PCDH9: variants seen among roughly 807,000 people sequenced by gnomAD.
PCDH9 encodes the protein protocadherin-9.
A neutral mutation model predicts 70.6 loss-of-function variants in PCDH9; 24 were observed. The ratio of observed to expected loss-of-function variants is 0.34; its 90% confidence interval spans 0.25 to 0.48. PCDH9 has a LOEUF of 0.48. Among genes scored for constraint, PCDH9 ranks in the 20% least tolerant of loss-of-function variants. The pLI, the probability that PCDH9 is intolerant of heterozygous loss-of-function variation, is 0.99. For missense variants in PCDH9, 1,281 were observed against 1,503.6 expected, an observed-to-expected ratio of 0.85 and a Z score of 2.45; for synonymous variants, 562 against 558.5, an observed-to-expected ratio of 1.01 and a Z score of -0.09.
chr13:66,564,532 T>C (rs892499061), intron 4 of PCDH9, among the ~76,000 whole-genome samples: 2 of 152,094 alleles, frequency 1.3e-5, no homozygotes, highest in African/African-American at 4.8e-5. Context: ...GGAGGACAGC[T>C]GATAACAGAG....
At chr13:66,815,420 G>T (rs1230848571) in intron 3 of PCDH9, among the ~76,000 whole-genome samples, 1 of 152,022 alleles carries the variant, frequency 6.6e-6, no homozygotes, top group African/African-American at 2.4e-5. Context: ...CCCGTTATTG[G>T]GTATACACCC....
chr13:66,449,609 T>A (rs1958165641), intron 4 of PCDH9, among the ~76,000 whole-genome samples: 1 of 152,154 alleles, frequency 6.6e-6, no homozygotes, highest in South Asian at 2.1e-4. Context: ...ACAAATAAAG[T>A]GTAAAGCTAA....
intron 3 of PCDH9, among the ~76,000 whole-genome samples, chr13:66,802,351 T>C (rs897844180): frequency 1.3e-5 from 2 of 152,080 alleles, no homozygotes; most frequent in East Asian, 1.9e-4. Flanking sequence ...TCATACAGGA[T>C]AGTTAAAAGA....
At chr13:67,005,960 C>G (rs1257644422) in intron 2 of PCDH9, among the ~76,000 whole-genome samples, 1 of 152,200 alleles carries the variant, frequency 6.6e-6, no homozygotes, top group East Asian at 1.9e-4. Flanking sequence ...GGCGCGGCGG[C>G]TCACGCCTGT....
chr13:66,854,501 T>C (rs1389230935), intron 3 of PCDH9, among the ~76,000 whole-genome samples: 1 of 152,200 alleles, frequency 6.6e-6, no homozygotes, highest in Non-Finnish European at 1.5e-5. Flanking sequence ...TTCACAGACA[T>C]GTAGAGCTCT....
At chr13:66,796,497 C>T (rs2080243752) in intron 3 of PCDH9, among the ~76,000 whole-genome samples, 1 of 152,084 alleles carries the variant, frequency 6.6e-6, no homozygotes, top group Non-Finnish European at 1.5e-5. Flanking sequence ...GTTGGCTTCT[C>T]TGGTTTGAAA....
At chr13:67,017,047 G>C (rs2084577432) in intron 2 of PCDH9, among the ~76,000 whole-genome samples, 1 of 152,124 alleles carries the variant, frequency 6.6e-6, no homozygotes, top group African/African-American at 2.4e-5. Context: ...ACTTAGCAAT[G>C]TGGATGCTAT....
intron 3 of PCDH9, among the ~76,000 whole-genome samples, chr13:66,752,987 G>A (rs2079484261): frequency 6.6e-6 from 1 of 152,146 alleles, no homozygotes; most frequent in South Asian, 2.1e-4. Context: ...GTAGGCAATT[G>A]GAGCCAGAGA....
chr13:66,867,959 A>T (rs1660644839), intron 3 of PCDH9, among the ~76,000 whole-genome samples: 1 of 152,078 alleles, frequency 6.6e-6, no homozygotes, highest in African/African-American at 2.4e-5. Context: ...AAGTAAAAGC[A>T]TACTTTATAG....
At chr13:66,488,848 C>T (rs1434768670) in intron 4 of PCDH9, among the ~76,000 whole-genome samples, 1 of 151,988 alleles carries the variant, frequency 6.6e-6, no homozygotes, top group East Asian at 1.9e-4. Context: ...CTCTATATTG[C>T]ATTACATAAA....
At chr13:66,696,945 T>C (rs2078571652) in intron 3 of PCDH9, among the ~76,000 whole-genome samples, 2 of 151,422 alleles carry the variant, frequency 1.3e-5, no homozygotes, top group African/African-American at 2.4e-5. Context: ...CTACTGTATA[T>C]GTATAATCCA....
At chr13:66,657,761 T>C (rs2077952385) in intron 3 of PCDH9, among the ~76,000 whole-genome samples, 1 of 152,164 alleles carries the variant, frequency 6.6e-6, no homozygotes, top group African/African-American at 2.4e-5. Flanking sequence ...GGCATATCTG[T>C]GAGTGTAAAG....
chr13:67,140,080 T>C (rs941960698), intron 2 of PCDH9, among the ~76,000 whole-genome samples: 1 of 134,394 alleles, frequency 7.4e-6, no homozygotes. Flanking sequence ...TTCTTGGAGT[T>C]TAAGGAAGGG....
chr13:67,163,191 C>A (rs1018268867), intron 2 of PCDH9, among the ~76,000 whole-genome samples: 1 of 152,074 alleles, frequency 6.6e-6, no homozygotes, highest in Admixed American at 6.5e-5. Flanking sequence ...TCTCACCCAG[C>A]CCCGAAAAAT....
intron 3 of PCDH9, among the ~76,000 whole-genome samples, chr13:66,728,514 A>T: frequency 6.6e-6 from 1 of 152,040 alleles, no homozygotes. Context: ...TTCTTTCCTA[A>T]GTGGTCATGA....
At chr13:67,021,061 G>A (rs2084664149) in intron 2 of PCDH9, among the ~76,000 whole-genome samples, 1 of 152,008 alleles carries the variant, frequency 6.6e-6, no homozygotes, top group Admixed American at 6.6e-5. Flanking sequence ...CTTTCTTTGT[G>A]AGAAATAAAA....
In PCDH9 at chr13:66,530,558, A is replaced by C. The variant is rs191482702; in HGVS notation, c.3340+100652T>G. Among the ~76,000 whole-genome samples, 236 of 152,066 alleles carry C rather than the reference A, an allele frequency of 1.6e-3. 1 individual carries two copies. Among genetic ancestry groups the C allele is most frequent in the Non-Finnish European group, 2.5e-3 (173 of 67,930 alleles). On this transcript the variant is annotated intron_variant, in intron 4 of 4. Transcript: ENST00000377865. ...ATAATAGGTCTGCCATCCTTCATCA[A>C]TCTAGTATCACAGTAAGTCTAAACA...
intron 2 of PCDH9, among the ~76,000 whole-genome samples, chr13:66,907,930 A>C (rs1488577604): frequency 6.6e-6 from 1 of 152,184 alleles, no homozygotes; most frequent in East Asian, 1.9e-4. Flanking sequence ...ATTAAATAAC[A>C]ATTCCATTTA....
intron 2 of PCDH9, among the ~76,000 whole-genome samples, chr13:67,150,893 C>G (rs1033636900): frequency 6.6e-6 from 1 of 152,170 alleles, no homozygotes; most frequent in African/African-American, 2.4e-5. Context: ...ACATATACAA[C>G]AAGATTAGCT....
Sources: allele counts gnomAD v4.1 joint callset (sites outside exome capture counted in the v4.1 genomes callset), GRCh38; gene constraint gnomAD v4.1.1; transcripts MANE v1.5; gene names NCBI Gene and HGNC (gene_info 2026-07-23, HGNC 2026-07-21).